The following PTPRM variants were observed in gnomAD, a reference collection of about 807,000 sequenced individuals.
PTPRM encodes protein tyrosine phosphatase receptor type M.
In PTPRM, 47 loss-of-function variants were observed where a neutral mutation model predicts 186.7. The observed-to-expected ratio is 0.25, with a 90% CI of 0.20 to 0.32. PTPRM has a LOEUF of 0.32. Ranked by LOEUF, PTPRM falls within the 10% of genes least tolerant of loss-of-function variation. PTPRM has a pLI of 1.00. For synonymous variants in PTPRM, 668 were observed against 674.9 expected (o/e 0.99, Z 0.16); for missense variants, 1,494 against 1,865.0 (o/e 0.80, Z 3.66).
intron 1 of PTPRM, among the ~76,000 whole-genome samples, chr18:7,760,684 G>A (rs1374105): frequency 0.21 from 31,574 of 152,138 alleles, 8,117 homozygotes; most frequent in African/African-American, 0.61. Flanking sequence ...TAAGTAGGTC[G>A]ATAGATACAT....
At chr18:7,678,972 C>G (rs1385383301) in intron 1 of PTPRM, among the ~76,000 whole-genome samples, 1 of 152,164 alleles carries the variant, frequency 6.6e-6, no homozygotes, top group Non-Finnish European at 1.5e-5. Flanking sequence ...GATGCTTTCC[C>G]CAAAGGAAGT....
chr18:7,910,351 C>T (rs1179366998), intron 4 of PTPRM, among the ~76,000 whole-genome samples: 3 of 152,044 alleles, frequency 2.0e-5, no homozygotes, highest in African/African-American at 4.8e-5. Flanking sequence ...TTGGACAAAA[C>T]GCACAAACAA....
intron 20 of PTPRM, among the ~76,000 whole-genome samples, chr18:8,303,153 ACTG>A (rs2095178982): frequency 6.6e-6 from 1 of 152,076 alleles, no homozygotes; most frequent in Admixed American, 6.5e-5. Context: ...CTGAGACAGA[ACTG>A]CTCAGCGGTG....
chr18:7,702,114 T>C (rs370497494), intron 1 of PTPRM, among the ~76,000 whole-genome samples: 82 of 152,316 alleles, frequency 5.4e-4, no homozygotes, highest in African/African-American at 1.5e-3. Flanking sequence ...GGCATTTGGG[T>C]TGGTTCCAAG....
chr18:7,830,808 C>G (rs986284147), intron 2 of PTPRM, among the ~76,000 whole-genome samples: 2 of 152,104 alleles, frequency 1.3e-5, no homozygotes, highest in African/African-American at 4.8e-5. Flanking sequence ...AACACACACC[C>G]GAAAGCATTT....
intron 14 of PTPRM, among the ~76,000 whole-genome samples, chr18:8,211,128 A>T (rs1191112759): frequency 1.3e-5 from 2 of 152,210 alleles, no homozygotes; most frequent in African/African-American, 4.8e-5. Context: ...GAGAATAAGT[A>T]GCTCTTTAGA....
chr18:7,667,376 A>T (rs971484452), intron 1 of PTPRM, among the ~76,000 whole-genome samples: 10 of 152,176 alleles, frequency 6.6e-5, no homozygotes, highest in Admixed American at 6.5e-5. Context: ...AACAGGTGCA[A>T]ATGAAGACAA....
chr18:8,110,630 A>G (rs1311957886), intron 11 of PTPRM, among the ~76,000 whole-genome samples: 5 of 152,174 alleles, frequency 3.3e-5, no homozygotes, highest in Non-Finnish European at 2.9e-5. Flanking sequence ...GCCCGGTGCT[A>G]AAGTCACTGT....
chr18:8,354,212 T>TAG (rs1555884163), intron 23 of PTPRM, among the ~76,000 whole-genome samples: 6 of 143,972 alleles, frequency 4.2e-5, no homozygotes, highest in Non-Finnish European at 9.0e-5. Context: ...GATTCCGTCT[T>TAG]AAAAAAAAAA....
rs180978789 is a variant in PTPRM at position 7,974,936 on chromosome 18, T to C, written c.1132+19522T>C. On this transcript the variant is annotated intron_variant, in intron 7 of 32. Coordinates refer to ENST00000580170, the MANE Select transcript of PTPRM (RefSeq NM_001105244.2). ...ACCTGGAGGACTTGTGAAAAGATCC[T>C]GACTGGCTTCTATCCCATGTTTATC... Among the ~76,000 whole-genome samples, 231 of 152,380 alleles carry C rather than the reference T, an allele frequency of 1.5e-3. 1 individual carries two copies. Among genetic ancestry groups the C allele is most frequent in the African/African-American group, 5.1e-3 (212 of 41,584 alleles).
At chr18:8,098,190 T>C (rs1424165774) in intron 11 of PTPRM, among the ~76,000 whole-genome samples, 3 of 152,172 alleles carry the variant, frequency 2.0e-5, no homozygotes, top group Non-Finnish European at 4.4e-5. Context: ...CTTCTCAGAA[T>C]ATATCCCCAT....
intron 30 of PTPRM, 101 bp downstream of exon 30, chr18:8,384,787 G>T (rs887820146): frequency 6.7e-7 from 1 of 1,483,216 alleles, no homozygotes; most frequent in Non-Finnish European, 9.2e-7. Context: ...TGTTCCAGGA[G>T]TTTGGAGTAT....
chr18:7,855,289 A>C (rs535747638), intron 2 of PTPRM, among the ~76,000 whole-genome samples: 1 of 152,220 alleles, frequency 6.6e-6, no homozygotes, highest in Admixed American at 6.5e-5. Flanking sequence ...GTAGTGATTA[A>C]GGAGACATGG....
intron 19 of PTPRM, among the ~76,000 whole-genome samples, chr18:8,281,822 T>C (rs1432726114): frequency 6.6e-6 from 1 of 152,178 alleles, no homozygotes; most frequent in Non-Finnish European, 1.5e-5. Context: ...AATTTAATTA[T>C]CAGACATTAC....
intron 2 of PTPRM, among the ~76,000 whole-genome samples, chr18:7,826,489 A>T (rs1420490390): frequency 6.6e-6 from 1 of 152,210 alleles, no homozygotes; most frequent in Admixed American, 6.5e-5. Context: ...TGAAAATGTG[A>T]ACTGGACATA....
intron 22 of PTPRM, among the ~76,000 whole-genome samples, chr18:8,333,100 T>C (rs1286236492): frequency 6.6e-6 from 1 of 152,254 alleles, no homozygotes; most frequent in African/African-American, 2.4e-5. Flanking sequence ...TGTAATTCAT[T>C]AGTTGATTTC....
At chr18:7,588,733 C>T (rs2143598159) in intron 1 of PTPRM, among the ~76,000 whole-genome samples, 1 of 152,298 alleles carries the variant, frequency 6.6e-6, no homozygotes, top group African/African-American at 2.4e-5. Flanking sequence ...TCATCTTTGC[C>T]TTAATGTCAC....
chr18:8,061,303 T>G (rs1429839909), intron 7 of PTPRM, among the ~76,000 whole-genome samples: 184 of 115,142 alleles, frequency 1.6e-3, no homozygotes, highest in South Asian at 3.5e-3. Flanking sequence ...GTTTTCCATT[T>G]GCTTGGTAGA....
intron 1 of PTPRM, among the ~76,000 whole-genome samples, chr18:7,732,839 C>T (rs560003573): frequency 1.3e-5 from 2 of 152,076 alleles, no homozygotes; most frequent in Non-Finnish European, 2.9e-5. Context: ...ATAACTGAAC[C>T]GCAGAATAAG....
Sources: gnomAD v4.1 joint callset for allele counts (sites outside exome capture counted in the v4.1 genomes callset) on GRCh38, gnomAD v4.1.1 for gene constraint, MANE v1.5 for transcripts, NCBI Gene and HGNC (gene_info 2026-07-23, HGNC 2026-07-21) for gene names.